Variants in CAPS2 observed in about 807,000 individuals in gnomAD.
CAPS2 encodes calcyphosine 2, also known as calcyphosin-2.
A neutral mutation model predicts 86.5 loss-of-function variants in CAPS2; 98 were observed. That is an observed-to-expected ratio of 1.13 (90% CI 0.96 to 1.34). The LOEUF (loss-of-function observed/expected upper bound fraction) is 1.34. CAPS2 is among the 40% of genes most tolerant of loss of function. CAPS2 has a pLI of 0.00. For synonymous variants in CAPS2, 210 were observed against 225.1 expected (o/e 0.93, Z 0.60); for missense variants, 729 against 686.8 (o/e 1.06, Z -0.69).
intron 1 of CAPS2, among the ~76,000 whole-genome samples, chr12:75,350,241 C>T (rs2042719311): frequency 6.6e-6 from 1 of 152,200 alleles, no homozygotes. Flanking sequence ...CTCTGATTTC[C>T]CTGAGAGGAG....
chr12:75,348,708 T>C (rs746252062), intron 1 of CAPS2, among the ~76,000 whole-genome samples: 3 of 152,166 alleles, frequency 2.0e-5, no homozygotes, highest in Non-Finnish European at 2.9e-5. Context: ...CTTATGGGTC[T>C]TGTGAAAGCA....
chr12:75,374,492 C>G (rs547393220), intron 1 of CAPS2, among the ~76,000 whole-genome samples: 1 of 152,150 alleles, frequency 6.6e-6, no homozygotes, highest in Non-Finnish European at 1.5e-5. Flanking sequence ...AGTAGAAGGT[C>G]CCTGAATTTT....
chr12:75,327,288 A>G (rs1370300529), upstream of CAPS2, among the ~76,000 whole-genome samples: 1 of 152,200 alleles, frequency 6.6e-6, no homozygotes, highest in Non-Finnish European at 1.5e-5. Context: ...GCTGATGAAA[A>G]TATTTTTAAC....
chr12:75,290,722 C>T (rs2035685340), intron 13 of CAPS2, among the ~76,000 whole-genome samples: 1 of 151,850 alleles, frequency 6.6e-6, no homozygotes, highest in South Asian at 2.1e-4. Flanking sequence ...TCCAGACCAG[C>T]CTGGAGAACA....
intron 4 of CAPS2, among the ~76,000 whole-genome samples, chr12:75,322,358 C>G (rs75088360): frequency 0.037 from 5,704 of 152,204 alleles, 124 homozygotes; most frequent in East Asian, 0.052. Flanking sequence ...CCAAAACGAG[C>G]TTTTTATAAA....
upstream of CAPS2, chr12:75,329,909 ACAGT>A (rs766751493): frequency 2.7e-5 from 41 of 1,522,608 alleles, no homozygotes; most frequent in African/African-American, 1.2e-4. Flanking sequence ...GGCACAAGAG[ACAGT>A]CAGCCTGATT....
chr12:75,321,997 A>C (rs564936838), intron 4 of CAPS2, among the ~76,000 whole-genome samples: 1 of 152,286 alleles, frequency 6.6e-6, no homozygotes, highest in African/African-American at 2.4e-5. Flanking sequence ...CATTTCTAGA[A>C]TATCAATATA....
downstream of CAPS2, chr12:75,276,170 T>C: frequency 2.6e-6 from 4 of 1,519,914 alleles, no homozygotes; most frequent in Admixed American, 2.2e-5. Flanking sequence ...ATTTTATATA[T>C]GCCCATTACC....
chr12:75,318,996 GAAT>G (rs1470220817), intron 5 of CAPS2, among the ~76,000 whole-genome samples: 1 of 152,110 alleles, frequency 6.6e-6, no homozygotes, highest in Non-Finnish European at 1.5e-5. Context: ...TATTTGAAAT[GAAT>G]AATGATAGGT....
At chr12:75,325,288 G>C in exon 2 of CAPS2, 1 of 1,542,350 alleles carries the variant, frequency 6.5e-7, no homozygotes, top group Non-Finnish European at 8.7e-7. Context: ...GTCCACCTTT[G>C]CTTTAATTAA....
At chr12:75,384,957 C>T (rs1429156748) in intron 1 of CAPS2, among the ~76,000 whole-genome samples, 1 of 152,064 alleles carries the variant, frequency 6.6e-6, no homozygotes. Flanking sequence ...ATGAATGAAC[C>T]AATACATTCA....
At chr12:75,321,321 G>T in intron 5 of CAPS2, 79 bp downstream of exon 5, 1 of 877,438 alleles carries the variant, frequency 1.1e-6, no homozygotes, top group Non-Finnish European at 1.7e-6. Flanking sequence ...AGCAAGATAT[G>T]TCACACAAAA....
chr12:75,351,521 G>A (rs976578239), intron 1 of CAPS2, among the ~76,000 whole-genome samples: 37 of 151,550 alleles, frequency 2.4e-4, no homozygotes, highest in African/African-American at 8.5e-4. Flanking sequence ...AAGAGATTGG[G>A]AACAATATTT....
exon 17 of CAPS2, chr12:75,278,722 T>C: frequency 2.3e-6 from 3 of 1,326,824 alleles, no homozygotes; most frequent in Non-Finnish European, 2.9e-6. Flanking sequence ...ATAGTTCTCT[T>C]TCCAAATTCA....
At chr12:75,364,698 A>G (rs1390115095) in intron 1 of CAPS2, 1 of 152,248 alleles carries the variant, frequency 6.6e-6, no homozygotes, top group African/African-American at 2.4e-5. Flanking sequence ...TATAGCAATT[A>G]GCTACACAGA....
Position 75,282,881 on chromosome 12 carries a change from C to A in CAPS2, c.1516-534G>T, listed in dbSNP as rs535698476. The stretch of plus-strand genomic sequence containing the variant: ...ATCTGTACTCAATTAGAAAGTTCTA[C>A]CACTTTCTAGCATCCTGACCTTGAG... On this transcript the variant is annotated intron_variant, in intron 15 of 16. Coordinates refer to ENST00000393284, the Ensembl canonical transcript of CAPS2. 1.1e-4 allele frequency among the ~76,000 whole-genome samples: 16 copies of A among 152,210 alleles called. No individual in the cohort carries two copies. In the South Asian group the frequency reaches 3.3e-3, roughly 32 times the overall value.
In CAPS2 at chr12:75,321,271, G is replaced by A. The variant is rs2138994817; in HGVS notation, c.468+129C>T. 6.6e-6 allele frequency: 4 copies of A among 604,436 alleles called. No individual in the cohort carries two copies. The South Asian group carries it at 1.0e-4, about 16-fold the overall frequency. 37.4% of individuals were successfully genotyped at this position (604,436 alleles called of 1,614,324 possible). A position where few individuals can be genotyped will look rare whatever the true frequency, so the allele number is the denominator to read the frequency against. On this transcript the variant is annotated intron_variant, in intron 5 of 16. Coordinates refer to ENST00000393284, the Ensembl canonical transcript of CAPS2. ...AAATATTTACAACAGTCCTTGATAT[G>A]CAGAAATAAATGTTAGCTATTATAC...
At chr12:75,296,458 A>G (rs2036900614) in intron 11 of CAPS2, among the ~76,000 whole-genome samples, 1 of 151,912 alleles carries the variant, frequency 6.6e-6, no homozygotes, top group African/African-American at 2.4e-5. Flanking sequence ...TGCCCAACTA[A>G]TTTTTTTGTA....
chr12:75,329,065 T>G (rs1462738072), upstream of CAPS2, among the ~76,000 whole-genome samples: 1 of 152,216 alleles, frequency 6.6e-6, no homozygotes, highest in Non-Finnish European at 1.5e-5. Context: ...AAAAGTGAAC[T>G]GTACTTCGCT....
Sources: gnomAD v4.1 joint callset for allele counts (sites outside exome capture counted in the v4.1 genomes callset) on GRCh38, gnomAD v4.1.1 for gene constraint, MANE v1.5 for transcripts, NCBI Gene and HGNC (gene_info 2026-07-23, HGNC 2026-07-21) for gene names.